SLC4A5: variants seen among roughly 807,000 people sequenced by gnomAD.
SLC4A5 encodes electrogenic sodium bicarbonate cotransporter 4.
In SLC4A5, 96 loss-of-function variants were observed where a neutral mutation model predicts 120.4. That is an observed-to-expected ratio of 0.80 (90% CI 0.68 to 0.94). The LOEUF (loss-of-function observed/expected upper bound fraction) is 0.94. Among genes scored for constraint, SLC4A5 ranks in the 40% least tolerant of loss-of-function variants. The probability of loss-of-function intolerance (pLI) is 0.00; values close to 1 mark genes in which losing one functional copy is unlikely to be tolerated. For synonymous variants in SLC4A5, 550 were observed against 571.1 expected (o/e 0.96, Z 0.53); for missense variants, 1,259 against 1,459.5 (o/e 0.86, Z 2.24).
chr2:74,229,104 C>CTTTTTTTTTTTTTTTTTTTTTTTTTTTT (rs55689286), intron 25 of SLC4A5, among the ~76,000 whole-genome samples: 1 of 98,590 alleles, frequency 1.0e-5, no homozygotes, highest in Non-Finnish European at 1.8e-5. Flanking sequence ...TAGATTTGAG[C>CTTTTTTTTTTTTTTTTTTTTTTTTTTTT]TTTTTTTTTT....
At chr2:74,327,533 G>C (rs1673245305) in intron 5 of SLC4A5, among the ~76,000 whole-genome samples, 2 of 152,032 alleles carry the variant, frequency 1.3e-5, no homozygotes, top group African/African-American at 4.8e-5. Context: ...GGAGAGAAAG[G>C]ACAAAACAAA....
chr2:74,261,521 T>C (rs955479086), intron 11 of SLC4A5, among the ~76,000 whole-genome samples: 3 of 152,256 alleles, frequency 2.0e-5, no homozygotes, highest in Admixed American at 1.3e-4. Flanking sequence ...AAAATAGTCC[T>C]TCACTGCTTT....
intron 6 of SLC4A5, among the ~76,000 whole-genome samples, chr2:74,311,487 A>G (rs968730808): frequency 2.0e-5 from 3 of 152,170 alleles, no homozygotes; most frequent in African/African-American, 7.2e-5. Context: ...ACAAATTTTG[A>G]TAAGTTGAAT....
intron 4 of SLC4A5, among the ~76,000 whole-genome samples, chr2:74,332,703 T>TTG (rs3834171): frequency 0.015 from 2,294 of 148,204 alleles, 35 homozygotes; most frequent in African/African-American, 0.038. Flanking sequence ...GGGTGTCCAT[T>TTG]TGTGTGTGTG....
intron 4 of SLC4A5, among the ~76,000 whole-genome samples, chr2:74,330,652 G>GGGGTGGTGAGGTCTAGATGT (rs1673336689): frequency 1.2e-4 from 1 of 8,530 alleles, no homozygotes; most frequent in East Asian, 2.9e-3. Context: ...GGTCTAGATG[G>GGGGTGGTGAGGTCTAGATGT]GGGTGGTGAG....
chr2:74,279,340 G>T (rs1212919697), intron 8 of SLC4A5, among the ~76,000 whole-genome samples: 1 of 152,184 alleles, frequency 6.6e-6, no homozygotes, highest in African/African-American at 2.4e-5. Context: ...TTCAGTTCTT[G>T]CGGTACTTCT....
At chr2:74,277,878 T>C (rs1169426426) in intron 8 of SLC4A5, among the ~76,000 whole-genome samples, 1 of 151,996 alleles carries the variant, frequency 6.6e-6, no homozygotes, top group Non-Finnish European at 1.5e-5. Context: ...GTTTACAACA[T>C]TCAGGATTGC....
intron 8 of SLC4A5, among the ~76,000 whole-genome samples, 199 bp downstream of exon 8, chr2:74,285,568 GAACTTT>G (rs1671955523): frequency 1.3e-5 from 2 of 152,284 alleles, no homozygotes; most frequent in South Asian, 4.2e-4. Flanking sequence ...CTTCCCACTT[GAACTTT>G]AATTTATTTG....
At chr2:74,286,441 C>T (rs546592694) in intron 7 of SLC4A5, among the ~76,000 whole-genome samples, 94 of 152,336 alleles carry the variant, frequency 6.2e-4, no homozygotes, top group Non-Finnish European at 7.2e-4. Context: ...AAGTCACTTC[C>T]TGGGTGTCTC....
chr2:74,242,063 G>C lies in SLC4A5; in HGVS notation c.2060-11C>G, dbSNP rs770600632. ...ACACGGTTGTATTCACTGTGGATGAGCACATGACACGGGGCAGGGTCAGCA... is the reference window on the plus strand; with the variant it reads ...ACACGGTTGTATTCACTGTGGATGACCACATGACACGGGGCAGGGTCAGCA... On this transcript the variant is annotated splice_polypyrimidine_tract_variant and intron_variant, in intron 19 of 30. Coordinates refer to ENST00000394019, the Ensembl canonical transcript of SLC4A5. 8 of 1,602,316 alleles carry C rather than the reference G, an allele frequency of 5.0e-6. No homozygotes were observed. In the East Asian group the frequency reaches 1.6e-4, roughly 32 times the overall value.
At chr2:74,254,569 G>T (rs376579103) in intron 14 of SLC4A5, 50 bp downstream of exon 14, 58 of 1,417,788 alleles carry the variant, frequency 4.1e-5, no homozygotes, top group Non-Finnish European at 5.7e-5. Context: ...TGCAGTGCTT[G>T]GTGCAGGAGC....
chr2:74,233,309 A>G, intron 23 of SLC4A5, 93 bp downstream of exon 23: 1 of 1,466,498 alleles, frequency 6.8e-7, no homozygotes, highest in South Asian at 1.2e-5. Flanking sequence ...TTCCTGGCCC[A>G]AAGTACTGAA....
At chr2:74,258,570 G>T (rs3771724) in intron 12 of SLC4A5, among the ~76,000 whole-genome samples, 1 of 152,178 alleles carries the variant, frequency 6.6e-6, no homozygotes, top group South Asian at 2.1e-4. Flanking sequence ...TTACTTCCAA[G>T]TTAAGGGCTC....
At chr2:74,262,194 G>A (rs1368369216) in exon 11 of SLC4A5, 18 of 1,613,802 alleles carry the variant, frequency 1.1e-5, no homozygotes, top group Non-Finnish European at 1.4e-5. Flanking sequence ...GAGTGGTGTA[G>A]ACTCGGGCCA....
rs369488308 is a variant in SLC4A5, at chr2:74,235,155, G to C, written c.2379C>G (p.Ile793Met). Residue 793 changes from isoleucine (I) to methionine (M), a missense_variant, in exon 22 of 31, where the codon ATC (isoleucine) becomes ATG (methionine). By Grantham distance (10) the Ile-to-Met change is conservative. Coordinates refer to ENST00000394019, the Ensembl canonical transcript of SLC4A5. ...GAGTTTCTAGGCCAAAACAGGCATCGATTCCACAGAACATCAGGATGGAGA... is the reference window on the plus strand; with the variant it reads ...GAGTTTCTAGGCCAAAACAGGCATCCATTCCACAGAACATCAGGATGGAGA... The C allele has an allele frequency of 1.9e-6, 3 of 1,614,144 alleles. No homozygotes were observed. The Admixed American group carries it at 5.0e-5, about 27-fold the overall frequency.
intron 14 of SLC4A5, 76 bp downstream of exon 14, chr2:74,254,528 TGTGCTGGCTGGATAA>T: frequency 1.0e-6 from 1 of 994,892 alleles, no homozygotes; most frequent in South Asian, 1.3e-5. Context: ...GGTGCTCAAA[TGTGCTGGCTGGATAA>T]GTTAATGAAT....
chr2:74,308,245 GA>G, intron 6 of SLC4A5, among the ~76,000 whole-genome samples: 1 of 152,286 alleles, frequency 6.6e-6, no homozygotes, highest in Middle Eastern at 3.4e-3. Context: ...ACATACCTAG[GA>G]ACATGATCGC....
chr2:74,245,903 C>T (rs542989674), intron 19 of SLC4A5, among the ~76,000 whole-genome samples: 9 of 152,328 alleles, frequency 5.9e-5, no homozygotes, highest in Admixed American at 2.0e-4. Context: ...ACAGGAGTCC[C>T]AGGAGACCAC....
intron 8 of SLC4A5, among the ~76,000 whole-genome samples, chr2:74,271,847 C>T (rs1671484376): frequency 6.6e-6 from 1 of 151,982 alleles, no homozygotes; most frequent in African/African-American, 2.4e-5. Context: ...CTTGTAATCC[C>T]AGCGCTCTGG....
Sources: gnomAD v4.1 joint callset for allele counts (sites outside exome capture counted in the v4.1 genomes callset) on GRCh38, gnomAD v4.1.1 for gene constraint, MANE v1.5 for transcripts, NCBI Gene and HGNC (gene_info 2026-07-23, HGNC 2026-07-21) for gene names.